The following ARHGAP44 variants were observed in gnomAD, a reference collection of about 807,000 sequenced individuals.
ARHGAP44 encodes Rho GTPase activating protein 44, also known as rho GTPase-activating protein 44.
ARHGAP44 carries 43 observed loss-of-function variants against 106.8 expected under a neutral mutation model. The observed-to-expected ratio is 0.40, with a 90% CI of 0.32 to 0.52. The LOEUF (loss-of-function observed/expected upper bound fraction) is 0.52. Among genes scored for constraint, ARHGAP44 ranks in the 20% least tolerant of loss-of-function variants. The pLI is 0.48. For synonymous variants in ARHGAP44, 439 were observed against 410.3 expected, an observed-to-expected ratio of 1.07 and a Z score of -0.85; for missense variants, 866 against 1,050.5, an observed-to-expected ratio of 0.82 and a Z score of 2.43.
At chr17:12,857,026 C>T (rs1394245133) in intron 1 of ARHGAP44, among the ~76,000 whole-genome samples, 1 of 152,078 alleles carries the variant, frequency 6.6e-6, no homozygotes, top group East Asian at 1.9e-4. Flanking sequence ...CCACCTCTTG[C>T]CACATTTTAG....
At chr17:12,947,328 A>G (rs1221148602) in intron 10 of ARHGAP44, among the ~76,000 whole-genome samples, 1 of 152,000 alleles carries the variant, frequency 6.6e-6, no homozygotes, top group Non-Finnish European at 1.5e-5. Context: ...CCATCCTCGA[A>G]ACTTCTAGTT....
intron 1 of ARHGAP44, among the ~76,000 whole-genome samples, chr17:12,857,717 T>A (rs1005093218): frequency 2.0e-5 from 3 of 152,170 alleles, no homozygotes. Flanking sequence ...GTATTTTCCA[T>A]AACAGGATAC....
chr17:12,914,799 GAA>G (rs749775862), intron 4 of ARHGAP44, among the ~76,000 whole-genome samples: 2 of 123,270 alleles, frequency 1.6e-5, no homozygotes, highest in Non-Finnish European at 3.4e-5. Flanking sequence ...TCCATCTCAA[GAA>G]AAAAAAAAAA....
chr17:12,811,524 G>T (rs1454212326), intron 1 of ARHGAP44, among the ~76,000 whole-genome samples: 1 of 152,100 alleles, frequency 6.6e-6, no homozygotes, highest in Non-Finnish European at 1.5e-5. Flanking sequence ...GGCATATTTG[G>T]TGTAACTTTT....
intron 20 of ARHGAP44, chr17:12,986,334 T>G (rs1022021151): frequency 4.6e-5 from 7 of 152,050 alleles, no homozygotes; most frequent in African/African-American, 1.7e-4. Context: ...TCGGGGAAGG[T>G]CACAGCTGCG....
intron 19 of ARHGAP44, 102 bp downstream of exon 19, chr17:12,980,335 G>A: frequency 2.4e-6 from 3 of 1,263,592 alleles, no homozygotes; most frequent in South Asian, 3.1e-5. Flanking sequence ...GAGAAACTGT[G>A]TGGTTTAGTG....
chr17:12,964,451 C>T (rs2039341522), intron 16 of ARHGAP44, among the ~76,000 whole-genome samples: 1 of 152,148 alleles, frequency 6.6e-6, no homozygotes, highest in Non-Finnish European at 1.5e-5. Flanking sequence ...TGGGCCAGGA[C>T]TGTTGAAGGA....
Position 12,944,112 on chromosome 17 carries a change from G to A in ARHGAP44, c.777G>A (p.Glu259=), listed in dbSNP as rs1278212239. 5 of 1,612,806 alleles carry A rather than the reference G, an allele frequency of 3.1e-6. No homozygotes were observed. The highest frequency in any genetic ancestry group is 1.3e-5 in the African/African-American group (1 of 74,940). The change falls in exon 10 of 21, where the codon GAG becomes GAA. Residue 259 remains glutamate (E), a synonymous_variant. Coordinates refer to ENST00000379672, the MANE Select transcript of ARHGAP44 (RefSeq NM_014859.6). ...EKPSFGKPLE[E]HLTISGREIA... The stretch of plus-strand genomic sequence containing the variant: ...CTTCCTTCGGGAAGCCGCTGGAGGA[G>A]CACCTCACCATCAGCGGCCGGGAGA...
chr17:12,864,623 A>G (rs779994388), intron 1 of ARHGAP44, among the ~76,000 whole-genome samples: 1 of 152,198 alleles, frequency 6.6e-6, no homozygotes. Flanking sequence ...CTAGGCAGAG[A>G]AACATCACAG....
chr17:12,841,637 C>CAAAAAAAAAAAAAAAA (rs140882682), intron 1 of ARHGAP44, among the ~76,000 whole-genome samples: 1 of 101,618 alleles, frequency 9.8e-6, no homozygotes, highest in African/African-American at 3.7e-5. Flanking sequence ...CACACACACA[C>CAAAAAAAAAAAAAAAA]ACAAACAAAC....
intron 1 of ARHGAP44, among the ~76,000 whole-genome samples, chr17:12,810,124 C>G (rs1443483931): frequency 6.6e-6 from 1 of 152,184 alleles, no homozygotes; most frequent in African/African-American, 2.4e-5. Flanking sequence ...AGGGAAAATA[C>G]TGGTAGCTCC....
chr17:12,837,248 T>TG (rs2035263900), intron 1 of ARHGAP44, among the ~76,000 whole-genome samples: 1 of 152,228 alleles, frequency 6.6e-6, no homozygotes, highest in African/African-American at 2.4e-5. Context: ...TCAAAATTTG[T>TG]GGGGTACAGC....
intron 10 of ARHGAP44, among the ~76,000 whole-genome samples, chr17:12,947,453 C>G (rs1405854402): frequency 6.6e-6 from 1 of 152,180 alleles, no homozygotes; most frequent in African/African-American, 2.4e-5. Flanking sequence ...CTCTGTTTGG[C>G]ACCATGGTCC....
intron 1 of ARHGAP44, among the ~76,000 whole-genome samples, chr17:12,858,420 G>A (rs1160823663): frequency 6.6e-6 from 1 of 152,198 alleles, no homozygotes; most frequent in East Asian, 1.9e-4. Context: ...TTGCAGGTGT[G>A]CAAGGATTCT....
Position 12,894,936 on chromosome 17 carries a change from T to G in ARHGAP44, c.54-4T>G, listed in dbSNP as rs781361590. The G allele has an allele frequency of 1.0e-5, 16 of 1,584,288 alleles. No homozygotes were observed. The highest frequency in any genetic ancestry group is 1.3e-5 in the African/African-American group (1 of 74,572). The stretch of plus-strand genomic sequence containing the variant: ...ACTGATATGTTTCTCAATGTTCTTT[T>G]TAGGGCTGAAAAGACAGAAGTTTTG... On this transcript the variant is annotated splice_region_variant and splice_polypyrimidine_tract_variant and intron_variant, in intron 1 of 20. Transcript: ENST00000379672.
intron 5 of ARHGAP44, among the ~76,000 whole-genome samples, chr17:12,918,201 C>T (rs937007769): frequency 1.3e-5 from 2 of 152,162 alleles, no homozygotes; most frequent in Admixed American, 6.5e-5. Context: ...ACCCAGTGGC[C>T]CTCCAGCTTA....
At chr17:12,934,878 A>C (rs530196895) in intron 7 of ARHGAP44, among the ~76,000 whole-genome samples, 8 of 152,344 alleles carry the variant, frequency 5.3e-5, no homozygotes, top group African/African-American at 1.9e-4. Context: ...CAGGAGTACC[A>C]CAAGGAGGCT....
At chr17:12,889,912 T>C (rs1230683275) in intron 1 of ARHGAP44, among the ~76,000 whole-genome samples, 2 of 152,194 alleles carry the variant, frequency 1.3e-5, no homozygotes, top group Non-Finnish European at 2.9e-5. Flanking sequence ...AAGTCCAAAA[T>C]CCAATAGGGA....
At chr17:12,969,351 T>C (rs866502842) in intron 16 of ARHGAP44, among the ~76,000 whole-genome samples, 1 of 152,196 alleles carries the variant, frequency 6.6e-6, no homozygotes. Flanking sequence ...CACAAAGCAT[T>C]CTCATTGACA....
Sources: allele counts gnomAD v4.1 joint callset (sites outside exome capture counted in the v4.1 genomes callset), GRCh38; gene constraint gnomAD v4.1.1; transcripts MANE v1.5; gene names NCBI Gene and HGNC (gene_info 2026-07-23, HGNC 2026-07-21).